The following AHNAK2 variants were observed in gnomAD, a reference collection of about 807,000 sequenced individuals.
AHNAK2 encodes the protein protein AHNAK2.
Under a neutral mutation model 30.7 loss-of-function variants are expected in AHNAK2, and 18 were observed. The ratio of observed to expected loss-of-function variants is 0.59; its 90% confidence interval spans 0.41 to 0.87. The LOEUF (loss-of-function observed/expected upper bound fraction) is 0.87. Among genes scored for constraint, AHNAK2 ranks in the 40% least tolerant of loss-of-function variants. AHNAK2 has a pLI of 0.00. For synonymous variants in AHNAK2, 3,590 were observed against 3,073.8 expected, an observed-to-expected ratio of 1.17 and a Z score of -5.56; for missense variants, 8,604 against 7,373.0, an observed-to-expected ratio of 1.17 and a Z score of -6.11.
intron 1 of AHNAK2, among the ~76,000 whole-genome samples, chr14:104,973,140 G>A (rs913717258): frequency 1.3e-5 from 2 of 152,236 alleles, no homozygotes; most frequent in Non-Finnish European, 2.9e-5. Flanking sequence ...TGATCAGCTG[G>A]AGGGACGGCA....
chr14:104,939,709 G>A lies in AHNAK2; in HGVS notation c.15742C>T (p.Leu5248=), dbSNP rs751244747. The A allele has an allele frequency of 6.2e-7, 1 of 1,613,910 alleles. No homozygotes were observed. Among genetic ancestry groups the A allele is most frequent in the South Asian group, 1.1e-5 (1 of 91,082 alleles). ...SGSNVEAAMS[L]QLPEADAEVT... ...TCTGCATCTGCCTCTGGGAGCTGTA[G>A]GGACATAGCTGCCTCCACGTTTGAC... The change falls in exon 7 of 7, where the codon CTA becomes TTA. Residue 5248 remains leucine, a synonymous_variant. Coordinates refer to ENST00000333244, the MANE Select transcript of AHNAK2 (RefSeq NM_138420.4).
At position 104,950,368 on chromosome 14, in the gene AHNAK2, G is replaced by A. The variant is rs199684139; in HGVS notation, c.5083C>T (p.Pro1695Ser). 6.1e-4 allele frequency: 973 copies of A among 1,585,988 alleles called. 81 individuals carry two copies. Among genetic ancestry groups the A allele is most frequent in the African/African-American group, 6.1e-3 (442 of 72,406 alleles). ...GTCTTCAGGTCCCCCTGCATGGAGG[G>A]GAGGCTCACATCAGCTTCCACCTTC... ...EPKVEADVSL[P>S]SMQGDLKTTD... is the part of the protein sequence containing the mutation. Residue 1695 changes from proline (P) to serine (S), a missense_variant, in exon 7 of 7, where the codon CCC (proline) becomes TCC (serine). Coordinates refer to ENST00000333244, the MANE Select transcript of AHNAK2 (RefSeq NM_138420.4).
At chr14:104,977,156 A>G (rs1422319485) in intron 1 of AHNAK2, among the ~76,000 whole-genome samples, 11 of 152,198 alleles carry the variant, frequency 7.2e-5, no homozygotes. Flanking sequence ...TCTCACCTGC[A>G]GCATTGTCGG....
At chr14:104,961,329 A>T (rs1391481230) in intron 1 of AHNAK2, among the ~76,000 whole-genome samples, 1 of 152,018 alleles carries the variant, frequency 6.6e-6, no homozygotes, top group Admixed American at 6.5e-5. Context: ...CCTGGCTAAC[A>T]CAGTGAAACC....
chr14:104,938,867 G>C lies in AHNAK2; in HGVS notation c.16584C>G (p.Pro5528=), dbSNP rs1897891384. The C allele has an allele frequency of 3.1e-6, 5 of 1,613,704 alleles. No homozygotes were observed. Among genetic ancestry groups the C allele is most frequent in the Non-Finnish European group, 1.7e-6 (2 of 1,179,884 alleles). Residue 5528 remains proline (P), a synonymous_variant, in exon 7 of 7, where the codon CCC becomes CCG. Coordinates refer to ENST00000333244, the MANE Select transcript of AHNAK2 (RefSeq NM_138420.4). The part of the protein sequence containing the change: ...FSLLKVKIPE[P]HTQARVYTTM... Reference sequence around the variant, plus strand: ...TTGTGTACACTCTAGCCTGCGTGTGGGGCTCTGGGATTTTCACTTTTAATA... The same window carrying C: ...TTGTGTACACTCTAGCCTGCGTGTGCGGCTCTGGGATTTTCACTTTTAATA...
intron 2 of AHNAK2, 44 bp from the exon 3 acceptor site, chr14:104,957,552 A>G: frequency 3.1e-6 from 5 of 1,593,258 alleles, no homozygotes; most frequent in Non-Finnish European, 3.4e-6. Flanking sequence ...CGGTTCTCCC[A>G]GGGCCCAGGG....
In AHNAK2 at chr14:104,946,731, G is replaced by A; in HGVS notation, c.8720C>T (p.Pro2907Leu). The change falls in exon 7 of 7, where the codon CCC becomes CTC. Residue 2907 changes from proline to leucine, a missense_variant. Physicochemically the swap from Pro to Leu is moderately conservative, Grantham distance 98. Coordinates refer to ENST00000333244, the MANE Select transcript of AHNAK2 (RefSeq NM_138420.4). ...PKVQMPSFKM[P>L]KVDLKGPQID... is the part of the protein sequence containing the mutation. ...CTGGGGGCCCTTGAGATCCACTTTGGGCATCTTGAAACTGGGCATCTGCAC... is the reference window on the plus strand; with the variant it reads ...CTGGGGGCCCTTGAGATCCACTTTGAGCATCTTGAAACTGGGCATCTGCAC... 3.7e-6 allele frequency: 6 copies of A among 1,612,662 alleles called. No individual in the cohort carries two copies. Among genetic ancestry groups the A allele is most frequent in the Non-Finnish European group, 5.1e-6 (6 of 1,179,512 alleles).
rs781552664 is a variant in AHNAK2, at chr14:104,947,221, C to G, written c.8230G>C (p.Val2744Leu). The G allele has an allele frequency of 1.6e-5, 25 of 1,609,998 alleles. No homozygotes were observed. Among genetic ancestry groups the G allele is most frequent in the Non-Finnish European group, 2.0e-5 (24 of 1,178,858 alleles). ...LQMPSFKMPE[V>L]DLKGPQIDVK... ...TCTATCTGGGGGCCCTTGAGGTCCA[C>G]TTCAGGCATCTTGAAACTGGGCATC... Residue 2744 changes from valine (V) to leucine (L), a missense_variant, in exon 7 of 7, where the codon GTG becomes CTG. Physicochemically the swap from Val to Leu is conservative, Grantham distance 32. Coordinates refer to ENST00000333244, the MANE Select transcript of AHNAK2 (RefSeq NM_138420.4).
At position 104,948,221 on chromosome 14, in the gene AHNAK2, C is replaced by G; in HGVS notation, c.7230G>C (p.Lys2410Asn). 6.2e-7 allele frequency: 1 copy of G among 1,612,586 alleles called. No individual in the cohort carries two copies. The change falls in exon 7 of 7, where the codon AAG becomes AAC. Residue 2410 changes from lysine to asparagine, a missense_variant. Coordinates refer to ENST00000333244, the MANE Select transcript of AHNAK2 (RefSeq NM_138420.4). ...HLPKLQMPSF[K>N]MPKVDLKGPQ... ...GGCCCTTGAGATCTACTTTGGGCAT[C>G]TTGAAACTGGGCATCTGCAGCTTGG...
Position 104,938,034 on chromosome 14 carries a change from A to G in AHNAK2, c.*29T>C, listed in dbSNP as rs993624777. On this transcript the variant is annotated 3_prime_UTR_variant, in exon 7 of 7. Transcript: ENST00000333244. ...TTTACTTTCCAACTTAGTTTTTTGC[A>G]TCTCTCTTGTACTGATGAGCCATAC... 10 of 1,581,988 alleles carry G rather than the reference A, an allele frequency of 6.3e-6. No homozygotes were observed. The highest frequency in any genetic ancestry group is 1.7e-4 in the Middle Eastern group (1 of 5,902).
chr14:104,957,718 C>A (rs1298721087), intron 1 of AHNAK2, 46 bp from the exon 2 acceptor site: 3 of 1,578,508 alleles, frequency 1.9e-6, no homozygotes, highest in South Asian at 2.3e-5. Context: ...GCTGGGGGAG[C>A]AGATCGGGGC....
In AHNAK2 at chr14:104,978,307, G is replaced by T; in HGVS notation, c.-70C>A. The T allele has an allele frequency of 2.2e-6, 2 of 903,506 alleles. No individual in the cohort carries two copies. The highest frequency in any genetic ancestry group is 5.2e-5 in the South Asian group (1 of 19,372). The allele number at this position is 903,506 out of a possible 1,614,324, so 56.0% of individuals were successfully genotyped here. A position where few individuals can be genotyped will look rare whatever the true frequency, so the allele number is the denominator to read the frequency against. ...TCGCTGGTCCCGGCTCCGGCGCACGGGGCGGGCGGGCGGGAGCCGCGCTCT... is the reference window on the plus strand; with the variant it reads ...TCGCTGGTCCCGGCTCCGGCGCACGTGGCGGGCGGGCGGGAGCCGCGCTCT... On this transcript the variant is annotated 5_prime_UTR_variant, in exon 1 of 7. Transcript: ENST00000333244.
chr14:104,946,297 G>T lies in AHNAK2; in HGVS notation c.9154C>A (p.Pro3052Thr), dbSNP rs375150333. Reference sequence around the variant, plus strand: ...TGCCCTTTGAGGCCAGCTCCCTCGGGAACGTGGCCCTCTGGGAGCTTCAGG... The same window carrying T: ...TGCCCTTTGAGGCCAGCTCCCTCGGTAACGTGGCCCTCTGGGAGCTTCAGG... ...VDLKLPEGHV[P>T]EGAGLKGHLP... Residue 3052 changes from proline (P) to threonine (T), a missense_variant, in exon 7 of 7, where the codon CCC becomes ACC. Coordinates refer to ENST00000333244, the MANE Select transcript of AHNAK2 (RefSeq NM_138420.4). 49 of 1,611,888 alleles carry T rather than the reference G, an allele frequency of 3.0e-5. No individual in the cohort carries two copies. The Middle Eastern group carries it at 5.0e-4, about 16-fold the overall frequency.
rs1897958584 is a variant in AHNAK2 at position 104,940,834 on chromosome 14, A to C, written c.14617T>G (p.Ser4873Ala). ...PKFYKPKFVF[S>A]VPQMAVPEGD... The stretch of plus-strand genomic sequence containing the variant: ...TCAGGAACTGCCATTTGGGGGACTG[A>C]AAACACAAACTTTGGTTTATAGAAT... Residue 4873 changes from serine to alanine, a missense_variant, in exon 7 of 7, where the codon TCA (serine) becomes GCA (alanine). By Grantham distance (99) the Ser-to-Ala change is moderately conservative. Transcript: ENST00000333244. The surrounding 1 kb of genome is among the most constrained non-coding windows in gnomAD (Gnocchi z 4.4). The C allele has an allele frequency of 4.3e-6, 7 of 1,613,142 alleles. No individual in the cohort carries two copies. The highest frequency in any genetic ancestry group is 5.9e-6 in the Non-Finnish European group (7 of 1,179,874).
Position 104,938,580 on chromosome 14 carries a change from G to T in AHNAK2, c.16871C>A (p.Thr5624Lys). ...FPPDDSQEAT[T>K]PLADEGRAPK... ...AGCCCTGCCTTCATCTGCCAGTGGT[G>T]TGGTTGCCTCTTGGCTATCATCAGG... The change falls in exon 7 of 7, where the codon ACA (threonine) becomes AAA (lysine). Residue 5624 changes from threonine (T) to lysine (K), a missense_variant. Coordinates refer to ENST00000333244, the MANE Select transcript of AHNAK2 (RefSeq NM_138420.4). 6.2e-7 allele frequency: 1 copy of T among 1,613,308 alleles called. No individual in the cohort carries two copies.
At position 104,953,390 on chromosome 14, in the gene AHNAK2, C is replaced by T. The variant is rs113464551; in HGVS notation, c.2061G>A (p.Ala687=). 0.012 allele frequency: 20,119 copies of T among 1,613,940 alleles called. 182 individuals carry two copies. The highest frequency in any genetic ancestry group is 0.016 in the South Asian group (1,412 of 91,082). Residue 687 remains alanine (A), a synonymous_variant, in exon 7 of 7, where the codon GCG becomes GCA. Coordinates refer to ENST00000333244, the MANE Select transcript of AHNAK2 (RefSeq NM_138420.4). Reference sequence around the variant, plus strand: ...CCTCCATGGACTTGCCTGGGGCTGACGCCCCGAACAATGGCATCTTGAACT... The same window carrying T: ...CCTCCATGGACTTGCCTGGGGCTGATGCCCCGAACAATGGCATCTTGAACT... ...MPKFKMPLFG[A]SAPGKSMEAS...
At position 104,949,110 on chromosome 14, in the gene AHNAK2, A is replaced by G; in HGVS notation, c.6341T>C (p.Val2114Ala). ...KVEMRVPDVE[V>A]SLPSMEVDVQ... The stretch of plus-strand genomic sequence containing the variant: ...GTCCACCTCCATGCTGGGCAGAGAC[A>G]CCTCGACATCGGGGACTCTCATTTC... The change falls in exon 7 of 7, where the codon GTG (valine) becomes GCG (alanine). Residue 2114 changes from valine to alanine, a missense_variant. Physicochemically the swap from Val to Ala is moderately conservative, Grantham distance 64. Transcript: ENST00000333244. 1 of 1,069,782 alleles carries G rather than the reference A, an allele frequency of 9.3e-7. No homozygotes were observed. The highest frequency in any genetic ancestry group is 2.3e-5 in the East Asian group (1 of 44,266). 66.3% of individuals were successfully genotyped at this position (1,069,782 alleles called of 1,614,324 possible). A position where few individuals can be genotyped will look rare whatever the true frequency, so the allele number is the denominator to read the frequency against.
rs1279524745 is a variant in AHNAK2 at position 104,945,449 on chromosome 14, A to T, written c.10002T>A (p.Ser3334=). The T allele has an allele frequency of 6.2e-7, 1 of 1,613,218 alleles. No individual in the cohort carries two copies. The highest frequency in any genetic ancestry group is 1.3e-5 in the African/African-American group (1 of 74,750). Residue 3334 remains serine (S), a synonymous_variant, in exon 7 of 7, where the codon TCT becomes TCA. Transcript: ENST00000333244. ...GKSIQASVDV[S]APKAEADVSL... is the part of the protein sequence containing the mutation. ...TCACGTCGGCCTCCGCCTTCGGCGC[A>T]GACACATCCACCGAGGCCTGGATGG...
intron 1 of AHNAK2, among the ~76,000 whole-genome samples, chr14:104,972,249 G>A (rs775111933): frequency 4.1e-4 from 62 of 152,310 alleles, no homozygotes; most frequent in Non-Finnish European, 7.6e-4. Flanking sequence ...AAAACCTAAC[G>A]GTCACAAAGA....
Sources: gnomAD v4.1 joint callset for allele counts (sites outside exome capture counted in the v4.1 genomes callset) on GRCh38, gnomAD v4.1.1 for gene constraint, Gnocchi (gnomAD v3.1) non-coding constraint, MANE v1.5 for transcripts, NCBI Gene and HGNC (gene_info 2026-07-23, HGNC 2026-07-21) for gene names.